The following GRM1 variants were observed in gnomAD, a reference collection of about 807,000 sequenced individuals.
GRM1 encodes metabotropic glutamate receptor 1.
A neutral mutation model predicts 90.9 loss-of-function variants in GRM1; 33 were observed. That is an observed-to-expected ratio of 0.36 (90% CI 0.28 to 0.49). The LOEUF (loss-of-function observed/expected upper bound fraction) is 0.49. GRM1 is among the 20% of genes least tolerant of loss of function. GRM1 has a pLI of 0.99. For synonymous variants in GRM1, 700 were observed against 613.2 expected (o/e 1.14, Z -2.09); for missense variants, 1,190 against 1,534.3 (o/e 0.78, Z 3.75).
At chr6:146,243,482 G>C (rs1400661632) in intron 2 of GRM1, among the ~76,000 whole-genome samples, 1 of 152,078 alleles carries the variant, frequency 6.6e-6, no homozygotes, top group Non-Finnish European at 1.5e-5. Context: ...AAAATGACGA[G>C]AATGGGGGCT....
chr6:146,168,366 T>G (rs1013743026), intron 2 of GRM1, among the ~76,000 whole-genome samples: 2 of 152,008 alleles, frequency 1.3e-5, no homozygotes, highest in African/African-American at 4.8e-5. Flanking sequence ...AAGTTTATGA[T>G]AGTAAATTTC....
chr6:146,258,001 T>A (rs979085049), intron 2 of GRM1, among the ~76,000 whole-genome samples: 11 of 144,602 alleles, frequency 7.6e-5, no homozygotes, highest in African/African-American at 2.3e-4. Context: ...AAAAAAAAAA[T>A]AGTTTTTTTC....
intron 5 of GRM1, among the ~76,000 whole-genome samples, chr6:146,367,129 A>G (rs955681875): frequency 3.3e-5 from 5 of 152,050 alleles, no homozygotes; most frequent in East Asian, 1.9e-4. Flanking sequence ...ATGAATATCC[A>G]TATTTTCCTA....
At chr6:146,414,911 A>G (rs1171026138) in intron 7 of GRM1, among the ~76,000 whole-genome samples, 1 of 152,200 alleles carries the variant, frequency 6.6e-6, no homozygotes, top group Non-Finnish European at 1.5e-5. Flanking sequence ...TTCCCAGATC[A>G]TAGAGATATT....
intron 7 of GRM1, among the ~76,000 whole-genome samples, chr6:146,411,330 G>A (rs1332340368): frequency 1.3e-5 from 2 of 152,002 alleles, no homozygotes; most frequent in African/African-American, 2.4e-5. Flanking sequence ...ATGTAAAGAC[G>A]GGAAAAAAAG....
chr6:146,132,185 A>G (rs954524564), intron 1 of GRM1, among the ~76,000 whole-genome samples: 4 of 152,320 alleles, frequency 2.6e-5, no homozygotes, highest in South Asian at 2.1e-4. Flanking sequence ...GGAAACCACT[A>G]AAGAGATCTG....
intron 2 of GRM1, among the ~76,000 whole-genome samples, chr6:146,193,769 C>G (rs1779013929): frequency 6.6e-6 from 1 of 151,990 alleles, no homozygotes; most frequent in Non-Finnish European, 1.5e-5. Context: ...GCGCATTCTA[C>G]TGTATTTTTA....
chr6:146,261,363 T>C (rs1011161673), intron 2 of GRM1, among the ~76,000 whole-genome samples: 27 of 152,098 alleles, frequency 1.8e-4, no homozygotes, highest in Admixed American at 1.7e-3. Flanking sequence ...TGGAACCTGG[T>C]CGAGGAGTTG....
At chr6:146,376,786 A>T (rs910709539) in intron 5 of GRM1, among the ~76,000 whole-genome samples, 1 of 152,094 alleles carries the variant, frequency 6.6e-6, no homozygotes, top group Non-Finnish European at 1.5e-5. Context: ...AGAGTTCTAT[A>T]ACTGATATGG....
At chr6:146,237,381 A>G (rs1487924348) in intron 2 of GRM1, among the ~76,000 whole-genome samples, 1 of 151,930 alleles carries the variant, frequency 6.6e-6, no homozygotes, top group Admixed American at 6.6e-5. Flanking sequence ...CTTAAGTCAT[A>G]GTTTATTATG....
rs1432893138 is a variant in GRM1 at position 146,434,828 on chromosome 6, A to AGCCAGAGATCTCCCACACC, written c.*33_*51dup. 8.4e-6 allele frequency: 13 copies of AGCCAGAGATCTCCCACACC among 1,552,904 alleles called. No individual in the cohort carries two copies. The highest frequency in any genetic ancestry group is 9.7e-6 in the Non-Finnish European group (11 of 1,138,412). On this transcript the variant is annotated 3_prime_UTR_variant, in exon 8 of 8. Transcript: ENST00000282753. ...AGGGTCCACATAGAAAAGCAAGACA[A>AGCCAGAGATCTCCCACACC]GCCAGAGATCTCCCACACCTCCAGA...
At chr6:146,143,134 T>C (rs1362530508) in intron 1 of GRM1, among the ~76,000 whole-genome samples, 4 of 152,192 alleles carry the variant, frequency 2.6e-5, no homozygotes, top group African/African-American at 9.7e-5. Context: ...GACTGGGTCC[T>C]TCCCTTCAAG....
At chr6:146,117,617 A>C (rs1489197206) in intron 1 of GRM1, among the ~76,000 whole-genome samples, 1 of 152,002 alleles carries the variant, frequency 6.6e-6, no homozygotes, top group Non-Finnish European at 1.5e-5. Context: ...TTTTAAGGTC[A>C]AACTGATTAT....
At chr6:146,094,208 G>C (rs1323939326) in intron 1 of GRM1, among the ~76,000 whole-genome samples, 1 of 152,118 alleles carries the variant, frequency 6.6e-6, no homozygotes, top group Admixed American at 6.6e-5. Flanking sequence ...CTACAAGCTA[G>C]AGAAAGTGCA....
At chr6:146,273,848 T>C (rs2114832936) in intron 2 of GRM1, among the ~76,000 whole-genome samples, 1 of 152,360 alleles carries the variant, frequency 6.6e-6, no homozygotes, top group African/African-American at 2.4e-5. Flanking sequence ...AAGGCAATTA[T>C]GAGGAGGCTA....
intron 1 of GRM1, among the ~76,000 whole-genome samples, chr6:146,082,270 C>G (rs1387253389): frequency 1.3e-5 from 2 of 152,150 alleles, no homozygotes; most frequent in Admixed American, 6.5e-5. Flanking sequence ...ATTCTCCCAT[C>G]TCAGCCTCCC....
intron 1 of GRM1, among the ~76,000 whole-genome samples, chr6:146,104,277 A>T (rs1217583718): frequency 3.9e-5 from 6 of 152,090 alleles, no homozygotes; most frequent in African/African-American, 1.4e-4. Context: ...CGTCTCTACT[A>T]AAAATACAAA....
chr6:146,122,839 CTTTTTTTTTTT>C (rs57859188), intron 1 of GRM1, among the ~76,000 whole-genome samples: 1 of 62,200 alleles, frequency 1.6e-5, no homozygotes, highest in South Asian at 8.7e-4. Context: ...TCTTTTCTTT[CTTTTTTTTTTT>C]TTTTTTTTTT....
chr6:146,060,041 C>T (rs533642216), intron 1 of GRM1, among the ~76,000 whole-genome samples: 156 of 152,210 alleles, frequency 1.0e-3, no homozygotes, highest in Non-Finnish European at 1.6e-3. Flanking sequence ...TGGAGTAGCA[C>T]TTTTAATTCC....
Sources: gnomAD v4.1 joint callset for allele counts (sites outside exome capture counted in the v4.1 genomes callset) on GRCh38, gnomAD v4.1.1 for gene constraint, MANE v1.5 for transcripts, NCBI Gene and HGNC (gene_info 2026-07-23, HGNC 2026-07-21) for gene names.